The following ELL variants were observed in gnomAD, a reference collection of about 807,000 sequenced individuals.
ELL encodes the protein RNA polymerase II elongation factor ELL.
In ELL, 18 loss-of-function variants were observed where a neutral mutation model predicts 64.0. The ratio of observed to expected loss-of-function variants is 0.28; its 90% CI spans 0.19 to 0.42. The LOEUF (loss-of-function observed/expected upper bound fraction) is 0.42, where lower values mean the gene tolerates loss of function less well. Among genes scored for constraint, ELL ranks in the 10% least tolerant of loss-of-function variants. ELL has a pLI of 1.00. For synonymous variants in ELL, 399 were observed against 376.2 expected, an observed-to-expected ratio of 1.06 and a Z score of -0.70; for missense variants, 797 against 870.4, an observed-to-expected ratio of 0.92 and a Z score of 1.06.
At chr19:18,467,991 T>C (rs1271827913) in intron 2 of ELL, among the ~76,000 whole-genome samples, 63 of 73,584 alleles carry the variant, frequency 8.6e-4, no homozygotes, top group Middle Eastern at 0.013. Context: ...ACACACAACC[T>C]CCCCCACACA....
chr19:18,500,627 G>C (rs546216622), intron 1 of ELL, among the ~76,000 whole-genome samples: 131 of 152,330 alleles, frequency 8.6e-4, no homozygotes, highest in African/African-American at 2.9e-3. Flanking sequence ...GGTCCCCTGG[G>C]AAGGTCGGCA....
chr19:18,467,686 CCACA>C (rs1318419592), intron 2 of ELL, among the ~76,000 whole-genome samples: 3 of 124,826 alleles, frequency 2.4e-5, no homozygotes, highest in East Asian at 2.3e-4. Context: ...CACAACCCCT[CCACA>C]CACAATCTCC....
chr19:18,468,174 C>T (rs77571703), intron 2 of ELL, among the ~76,000 whole-genome samples: 21,515 of 150,254 alleles, frequency 0.14, 1,573 homozygotes, highest in South Asian at 0.2. Context: ...CACATAACCA[C>T]ACACACAACC....
intron 1 of ELL, among the ~76,000 whole-genome samples, chr19:18,476,832 C>T (rs1357759940): frequency 1.3e-5 from 2 of 151,954 alleles, no homozygotes; most frequent in Non-Finnish European, 2.9e-5. Flanking sequence ...ACATCACGCA[C>T]GCATGAGGGT....
chr19:18,471,169 T>A, intron 2 of ELL: 1 of 369,194 alleles, frequency 2.7e-6, no homozygotes. Flanking sequence ...GCCTAGAAGT[T>A]CAAGACCAGC....
intron 1 of ELL, among the ~76,000 whole-genome samples, chr19:18,509,417 T>C (rs1418033516): frequency 6.6e-6 from 1 of 152,056 alleles, no homozygotes; most frequent in African/African-American, 2.4e-5. Context: ...CCCTTTGGGT[T>C]CCTGGTGGGG....
At chr19:18,457,167 T>C (rs1045097782) in intron 6 of ELL, among the ~76,000 whole-genome samples, 6 of 152,170 alleles carry the variant, frequency 3.9e-5, no homozygotes, top group Non-Finnish European at 8.8e-5. Context: ...AACATGAGCC[T>C]TGAATCAGGG....
intron 1 of ELL, among the ~76,000 whole-genome samples, chr19:18,510,043 A>ATGT (rs1975983724): frequency 6.6e-6 from 1 of 152,132 alleles, no homozygotes; most frequent in Non-Finnish European, 1.5e-5. Context: ...AACCTCACCC[A>ATGT]AGGCCCTTCC....
In ELL at chr19:18,501,374, C is replaced by T. The variant is rs954886972; in HGVS notation, c.135+20547G>A. 6.6e-6 allele frequency among the ~76,000 whole-genome samples: 1 copy of T among 152,158 alleles called. No individual in the cohort carries two copies. The highest frequency in any genetic ancestry group is 2.1e-4 in the South Asian group (1 of 4,820). ...AAGAGGAATCAAAAACCCTGCTGAGCGAGAGAACGTGGGAAAGGGCCTGGG... is the reference window on the plus strand; with the variant it reads ...AAGAGGAATCAAAAACCCTGCTGAGTGAGAGAACGTGGGAAAGGGCCTGGG... On this transcript the variant is annotated intron_variant, in intron 1 of 11. Transcript: ENST00000262809. This position sits in a 1 kb window ranked among gnomAD's most constrained non-coding sequence, Gnocchi z 4.5.
At chr19:18,483,848 C>A (rs757436509) in intron 1 of ELL, among the ~76,000 whole-genome samples, 1 of 152,208 alleles carries the variant, frequency 6.6e-6, no homozygotes, top group Non-Finnish European at 1.5e-5. Context: ...CCCTGCCCAC[C>A]CTGCCTGCAC....
intron 9 of ELL, 40 bp from the exon 10 acceptor site, chr19:18,446,520 GGACCCA>G: frequency 1.3e-6 from 2 of 1,594,660 alleles, no homozygotes. Flanking sequence ...GAGGCTGGAA[GGACCCA>G]GCCCCACCCA....
At chr19:18,471,407 C>A in intron 2 of ELL, 1 of 432,632 alleles carries the variant, frequency 2.3e-6, no homozygotes, top group Non-Finnish European at 4.6e-6. Context: ...TGGTGGCTCA[C>A]CTGTAATCCC....
chr19:18,457,870 G>A (rs926882526), intron 6 of ELL, among the ~76,000 whole-genome samples: 4 of 152,208 alleles, frequency 2.6e-5, no homozygotes, highest in Non-Finnish European at 4.4e-5. Context: ...CTGTGGGGAT[G>A]CCCAGGTTGT....
chr19:18,494,401 T>G (rs182201687), intron 1 of ELL, among the ~76,000 whole-genome samples: 24 of 144,162 alleles, frequency 1.7e-4, no homozygotes, highest in East Asian at 1.2e-3. Flanking sequence ...TGTTTTTTTG[T>G]TTTTTTTTTT....
At chr19:18,508,566 G>A (rs1359533927) in intron 1 of ELL, among the ~76,000 whole-genome samples, 1 of 152,220 alleles carries the variant, frequency 6.6e-6, no homozygotes, top group Non-Finnish European at 1.5e-5. Context: ...CACTGCACAG[G>A]GGCCTGGGAG....
intron 4 of ELL, 53 bp downstream of exon 4, chr19:18,465,359 C>T (rs933675357): frequency 1.2e-5 from 19 of 1,539,192 alleles, no homozygotes; most frequent in African/African-American, 9.5e-5. Context: ...AAATGTCTCC[C>T]GACACTGGCA....
chr19:18,485,894 G>A (rs1417567059), intron 1 of ELL, among the ~76,000 whole-genome samples: 2 of 151,852 alleles, frequency 1.3e-5, no homozygotes, highest in Non-Finnish European at 2.9e-5. Context: ...GCTGAGGCAG[G>A]AGAATTGCTT....
At chr19:18,491,648 C>A (rs1047256626) in intron 1 of ELL, among the ~76,000 whole-genome samples, 1 of 152,148 alleles carries the variant, frequency 6.6e-6, no homozygotes, top group Admixed American at 6.5e-5. Context: ...GGCACAGGGG[C>A]TCATGCCTAT....
At chr19:18,461,938 G>T in intron 4 of ELL, 86 bp from the exon 5 acceptor site, 1 of 1,518,980 alleles carries the variant, frequency 6.6e-7, no homozygotes, top group Non-Finnish European at 8.9e-7. Flanking sequence ...CCAGAGGTTT[G>T]AGACTATAGA....
Sources: gnomAD v4.1 joint callset for allele counts (sites outside exome capture counted in the v4.1 genomes callset) on GRCh38, gnomAD v4.1.1 for gene constraint, Gnocchi (gnomAD v3.1) non-coding constraint, MANE v1.5 for transcripts, NCBI Gene and HGNC (gene_info 2026-07-23, HGNC 2026-07-21) for gene names.